Variants in CIAO2A observed in about 807,000 individuals in gnomAD.
The protein encoded by CIAO2A is MIP18 family protein FAM96A.
Under a neutral mutation model 22.4 loss-of-function variants are expected in CIAO2A, and 17 were observed. The observed-to-expected ratio is 0.76, with a 90% CI of 0.52 to 1.14. CIAO2A has a LOEUF of 1.14. CIAO2A is among the 50% of genes most tolerant of loss of function. The pLI is 0.00. For missense variants in CIAO2A, 192 were observed against 191.4 expected (o/e 1.00, Z -0.02); for synonymous variants, 74 against 72.3 (o/e 1.02, Z -0.12).
chr15:64,077,587 T>C (rs1486167837), intron 3 of CIAO2A, among the ~76,000 whole-genome samples: 1 of 152,244 alleles, frequency 6.6e-6, no homozygotes, highest in Non-Finnish European at 1.5e-5. Flanking sequence ...ACACATTTAT[T>C]CAGTATTCTT....
At chr15:64,093,156 T>C (rs2080856558) in intron 1 of CIAO2A, among the ~76,000 whole-genome samples, 2 of 152,242 alleles carry the variant, frequency 1.3e-5, no homozygotes, top group South Asian at 4.1e-4. Flanking sequence ...GACCTCTGCT[T>C]ACTGACTTTG....
chr15:64,073,843 T>G (rs2080694092), intron 4 of CIAO2A: 1 of 152,224 alleles, frequency 6.6e-6, no homozygotes, highest in Non-Finnish European at 1.5e-5. Flanking sequence ...CCTCAAGGCA[T>G]TCTCTCGCCT....
rs1408672895 is a variant in CIAO2A at position 64,072,879 on chromosome 15, G to GTTTAAAT, written c.*51_*52insATTTAAA. 9.7e-6 allele frequency: 12 copies of GTTTAAAT among 1,233,928 alleles called. No individual in the cohort carries two copies. The Admixed American group carries it at 1.4e-4, about 15-fold the overall frequency. 76.4% of individuals were successfully genotyped at this position (1,233,928 alleles called of 1,614,324 possible). A position where few individuals can be genotyped will look rare whatever the true frequency, so the allele number is the denominator to read the frequency against. On this transcript the variant is annotated 3_prime_UTR_variant, in exon 5 of 5. Transcript: ENST00000300030. The stretch of plus-strand genomic sequence containing the variant: ...ATGAGTCTCTGACATTATACAAAGA[G>GTTTAAAT]TTTAAACAAATATATCAAACAATTA...
intron 1 of CIAO2A, chr15:64,090,083 CTATAATCCTAGCACT>C (rs550031587): frequency 2.0e-3 from 307 of 152,692 alleles, no homozygotes; most frequent in Non-Finnish European, 3.2e-3. Context: ...TGGTTCAGGC[CTATAATCCTAGCACT>C]TTGGGAGGCT....
chr15:64,093,098 T>C (rs935022984), intron 1 of CIAO2A, among the ~76,000 whole-genome samples: 8 of 152,240 alleles, frequency 5.3e-5, no homozygotes, highest in African/African-American at 1.9e-4. Context: ...TATGTGTGTG[T>C]ACACAAGGCC....
chr15:64,088,834 G>T lies in CIAO2A; in HGVS notation c.142C>A (p.Arg48=). ...LEVYDLIRTI[R]DPEKPNTLEE... ...AAAGTATTGGGCTTTTCTGGGTCCCGGATAGTTCTAATCAAATCTAAAGAA... is the reference window on the plus strand; with the variant it reads ...AAAGTATTGGGCTTTTCTGGGTCCCTGATAGTTCTAATCAAATCTAAAGAA... Residue 48 remains arginine (R), a synonymous_variant, in exon 2 of 5, where the codon CGG becomes AGG. Transcript: ENST00000300030. The T allele has an allele frequency of 6.2e-7, 1 of 1,612,146 alleles. No homozygotes were observed. The highest frequency in any genetic ancestry group is 8.5e-7 in the Non-Finnish European group (1 of 1,179,520).
chr15:64,082,126 T>A (rs1217573586), intron 2 of CIAO2A, among the ~76,000 whole-genome samples: 1 of 152,254 alleles, frequency 6.6e-6, no homozygotes, highest in Non-Finnish European at 1.5e-5. Context: ...TTTGGTTTTC[T>A]AAGTACCATT....
At chr15:64,081,246 C>A in intron 2 of CIAO2A, 95 bp from the exon 3 acceptor site, 1 of 1,186,988 alleles carries the variant, frequency 8.4e-7, no homozygotes, top group Non-Finnish European at 1.2e-6. Flanking sequence ...CCCCATACAA[C>A]ACAGTTGCTG....
chr15:64,078,613 G>A (rs2080736469), intron 3 of CIAO2A, among the ~76,000 whole-genome samples: 1 of 137,474 alleles, frequency 7.3e-6, no homozygotes, highest in Non-Finnish European at 1.5e-5. Flanking sequence ...TCCAGCCTGG[G>A]CGACAGAGCG....
At chr15:64,090,151 TGG>T (rs2080828861) in intron 1 of CIAO2A, 1 of 154,718 alleles carries the variant, frequency 6.5e-6, no homozygotes, top group African/African-American at 2.4e-5. Flanking sequence ...GAGACCAGCC[TGG>T]TGAACATGGT....
intron 2 of CIAO2A, among the ~76,000 whole-genome samples, chr15:64,084,968 C>G (rs1162434771): frequency 6.6e-6 from 1 of 151,144 alleles, no homozygotes; most frequent in East Asian, 2.0e-4. Flanking sequence ...TGGAGGATGC[C>G]TGTAATCCTA....
At chr15:64,074,985 T>C (rs1352960370) in intron 4 of CIAO2A, 8 of 152,240 alleles carry the variant, frequency 5.3e-5, no homozygotes, top group Admixed American at 5.2e-4. Flanking sequence ...ATTTTGTTTT[T>C]TGCTTTTCCC....
chr15:64,082,311 C>T (rs912507309), intron 2 of CIAO2A, among the ~76,000 whole-genome samples: 1 of 152,164 alleles, frequency 6.6e-6, no homozygotes, highest in Non-Finnish European at 1.5e-5. Context: ...TCACTGCAAC[C>T]TCTACCTCCT....
rs541699095 is a variant in CIAO2A, at chr15:64,089,173, C to T, written c.125-322G>A. Among the ~76,000 whole-genome samples the T allele has an allele frequency of 1.1e-3, 173 of 152,140 alleles. 1 individual carries two copies. Among genetic ancestry groups the T allele is most frequent in the Non-Finnish European group, 1.7e-3 (115 of 68,000 alleles). ...ATGTGGTTATCAGGCTTTATAGGAGCGGAATCTGAATCAAGCCTTGAAAAA... is the reference window on the plus strand; with the variant it reads ...ATGTGGTTATCAGGCTTTATAGGAGTGGAATCTGAATCAAGCCTTGAAAAA... On this transcript the variant is annotated intron_variant, in intron 1 of 4. Coordinates refer to ENST00000300030, the MANE Select transcript of CIAO2A (RefSeq NM_032231.7).
chr15:64,093,068 GTGTA>G (rs1165126003), intron 1 of CIAO2A, among the ~76,000 whole-genome samples: 2 of 152,242 alleles, frequency 1.3e-5, no homozygotes, highest in African/African-American at 4.8e-5. Context: ...ATGGAAGAGT[GTGTA>G]TGTGTGTGTG....
At chr15:64,082,845 G>A (rs1019370015) in intron 2 of CIAO2A, among the ~76,000 whole-genome samples, 3 of 152,000 alleles carry the variant, frequency 2.0e-5, no homozygotes, top group South Asian at 2.1e-4. Context: ...CTACATACTC[G>A]CTGTGATCCT....
intron 1 of CIAO2A, 66 bp downstream of exon 1, chr15:64,093,579 C>A (rs1473080351): frequency 1.3e-6 from 2 of 1,534,608 alleles, no homozygotes; most frequent in Non-Finnish European, 1.8e-6. Context: ...AGGCCATCAT[C>A]CCCGCACCCC....
intron 2 of CIAO2A, among the ~76,000 whole-genome samples, chr15:64,084,641 T>C (rs1317844228): frequency 6.6e-6 from 1 of 151,868 alleles, no homozygotes; most frequent in East Asian, 1.9e-4. Flanking sequence ...TGGTGGTGCA[T>C]GTCTGTAATC....
chr15:64,088,243 G>A (rs1427403036), intron 2 of CIAO2A, among the ~76,000 whole-genome samples: 1 of 152,208 alleles, frequency 6.6e-6, no homozygotes, highest in Non-Finnish European at 1.5e-5. Context: ...AGGAGATGGT[G>A]ATGGAAGCAA....
Sources: gnomAD v4.1 joint callset for allele counts (sites outside exome capture counted in the v4.1 genomes callset) on GRCh38, gnomAD v4.1.1 for gene constraint, MANE v1.5 for transcripts, NCBI Gene and HGNC (gene_info 2026-07-23, HGNC 2026-07-21) for gene names.